ROR1: variants seen among roughly 807,000 people sequenced by gnomAD.
The protein encoded by ROR1 is ROR family WNT receptor 1, also known as inactive tyrosine-protein kinase transmembrane receptor ROR1.
In ROR1, 19 loss-of-function variants were observed where a neutral mutation model predicts 78.8. The observed-to-expected ratio is 0.24, with a 90% CI of 0.17 to 0.35. The LOEUF is 0.35. Ranked by LOEUF, ROR1 falls within the 10% of genes least tolerant of loss-of-function variation. ROR1 has a pLI of 1.00. For synonymous variants in ROR1, 386 were observed against 433.6 expected, an observed-to-expected ratio of 0.89 and a Z score of 1.36; for missense variants, 917 against 1,177.8, an observed-to-expected ratio of 0.78 and a Z score of 3.24.
chr1:63,819,113 T>C (rs540487671), intron 1 of ROR1, among the ~76,000 whole-genome samples: 5 of 152,116 alleles, frequency 3.3e-5, no homozygotes, highest in Non-Finnish European at 5.9e-5. Context: ...GGTGGGGAGA[T>C]GTTCTGCTCT....
chr1:64,005,808 C>A (rs1364794572), intron 1 of ROR1, among the ~76,000 whole-genome samples: 4 of 152,050 alleles, frequency 2.6e-5, no homozygotes, highest in Non-Finnish European at 5.9e-5. Context: ...TATTATTTTT[C>A]AGGGAAGTTA....
Position 64,070,224 on chromosome 1 carries a change from C to T in ROR1, c.482+19508C>T, listed in dbSNP as rs184753988. Among the ~76,000 whole-genome samples, 5 of 152,288 alleles carry T rather than the reference C, an allele frequency of 3.3e-5. No individual in the cohort carries two copies. In the East Asian group the frequency reaches 9.6e-4, roughly 29 times the overall value. On this transcript the variant is annotated intron_variant, in intron 4 of 8. Coordinates refer to ENST00000371079, the MANE Select transcript of ROR1 (RefSeq NM_005012.4). ...TCATCCATGTTGTGACCTGTGTCTT[C>T]CTTGTGTTTTGATGACCTTGAGAGA...
chr1:63,890,294 T>G (rs1645385137), intron 1 of ROR1, among the ~76,000 whole-genome samples: 1 of 151,920 alleles, frequency 6.6e-6, no homozygotes, highest in Non-Finnish European at 1.5e-5. Context: ...TAGTCCTGTT[T>G]ACCAACTCAT....
intron 2 of ROR1, among the ~76,000 whole-genome samples, chr1:64,028,684 T>C (rs1646635807): frequency 6.6e-6 from 1 of 152,206 alleles, no homozygotes; most frequent in Non-Finnish European, 1.5e-5. Context: ...GGTGTATATA[T>C]TTATGGAGTT....
chr1:64,163,664 A>G (rs1295949940), intron 8 of ROR1, among the ~76,000 whole-genome samples: 1 of 152,184 alleles, frequency 6.6e-6, no homozygotes, highest in Non-Finnish European at 1.5e-5. Context: ...TTTCACTTCC[A>G]GACAATTCAT....
At chr1:64,095,655 T>C (rs1647278383) in intron 4 of ROR1, among the ~76,000 whole-genome samples, 1 of 152,194 alleles carries the variant, frequency 6.6e-6, no homozygotes, top group Admixed American at 6.6e-5. Flanking sequence ...TTGTGCAGAA[T>C]TATGTATGTA....
chr1:63,798,897 A>G (rs1644778766), intron 1 of ROR1, among the ~76,000 whole-genome samples: 1 of 152,124 alleles, frequency 6.6e-6, no homozygotes, highest in South Asian at 2.1e-4. Flanking sequence ...GTTGTGTGAG[A>G]TGCATTATAA....
intron 1 of ROR1, among the ~76,000 whole-genome samples, chr1:63,940,174 T>G (rs900014877): frequency 2.6e-5 from 4 of 152,090 alleles, no homozygotes; most frequent in Non-Finnish European, 4.4e-5. Flanking sequence ...GACCGAGAAG[T>G]GTTAAGAGTG....
intron 1 of ROR1, among the ~76,000 whole-genome samples, chr1:63,883,831 G>A (rs539305831): frequency 6.6e-6 from 1 of 152,266 alleles, no homozygotes; most frequent in South Asian, 2.1e-4. Flanking sequence ...CTGCCCCTAG[G>A]AGAAATCTTC....
At chr1:63,860,503 G>A (rs1026642330) in intron 1 of ROR1, among the ~76,000 whole-genome samples, 2 of 151,256 alleles carry the variant, frequency 1.3e-5, no homozygotes, top group Non-Finnish European at 2.9e-5. Flanking sequence ...GGCAGATCAC[G>A]AGGTCAAGAG....
intron 1 of ROR1, among the ~76,000 whole-genome samples, chr1:63,777,835 G>C (rs1644626678): frequency 6.6e-6 from 1 of 152,242 alleles, no homozygotes; most frequent in African/African-American, 2.4e-5. Context: ...TATATGTACA[G>C]ATAGCATATG....
intron 4 of ROR1, among the ~76,000 whole-genome samples, chr1:64,081,303 T>G (rs911160845): frequency 1.3e-5 from 2 of 152,176 alleles, no homozygotes; most frequent in Non-Finnish European, 2.9e-5. Context: ...AAAAGTACTC[T>G]CAAATACGGA....
Position 63,789,228 on chromosome 1 carries a change from G to A in ROR1, c.91+14720G>A, listed in dbSNP as rs1025094714. 2.2e-5 allele frequency: 13 copies of A among 592,776 alleles called. No individual in the cohort carries two copies. In the African/African-American group the frequency reaches 2.2e-4, roughly 10 times the overall value. The allele number at this position is 592,776 out of a possible 1,614,324, so 36.7% of individuals were successfully genotyped here. A position where few individuals can be genotyped will look rare whatever the true frequency, so the allele number is the denominator to read the frequency against. ...ATTGGAGATTTCATTGGTTTCATTG[G>A]GGTCCAACCAGACCTTCTTCTTGCC... On this transcript the variant is annotated intron_variant, in intron 1 of 8. Coordinates refer to ENST00000371079, the MANE Select transcript of ROR1 (RefSeq NM_005012.4).
chr1:63,853,185 T>C (rs1487093319), intron 1 of ROR1, among the ~76,000 whole-genome samples: 1 of 152,196 alleles, frequency 6.6e-6, no homozygotes, highest in East Asian at 1.9e-4. Flanking sequence ...AGTCACCAAC[T>C]GTGGCAACAG....
intron 4 of ROR1, among the ~76,000 whole-genome samples, chr1:64,077,187 A>G (rs1647057412): frequency 6.6e-6 from 1 of 152,234 alleles, no homozygotes; most frequent in Admixed American, 6.5e-5. Context: ...GACAAAAAAC[A>G]TTTCAAGTAT....
chr1:63,990,564 C>T (rs1356369685), intron 1 of ROR1, among the ~76,000 whole-genome samples: 1 of 152,128 alleles, frequency 6.6e-6, no homozygotes, highest in African/African-American at 2.4e-5. Context: ...GAAGACTTTT[C>T]AGTTTTATTA....
At chr1:63,792,740 C>T (rs1453999495) in intron 1 of ROR1, among the ~76,000 whole-genome samples, 1 of 152,022 alleles carries the variant, frequency 6.6e-6, no homozygotes, top group Admixed American at 6.6e-5. Flanking sequence ...TTGCCTCTTG[C>T]AAAGAGAGAG....
At chr1:63,781,888 A>G (rs1457409649) in intron 1 of ROR1, among the ~76,000 whole-genome samples, 2 of 152,198 alleles carry the variant, frequency 1.3e-5, no homozygotes, top group East Asian at 1.9e-4. Flanking sequence ...GAAGACACCA[A>G]TACAGTTGCT....
At position 64,121,059 on chromosome 1, in the gene ROR1, C is replaced by CTTTTTTTTTT. The variant is rs200292093; in HGVS notation, c.483-16280_483-16271dup. Reference sequence around the variant, plus strand: ...CCACACTCCAGTCAGGGAGATACCCCTTTTTTTTTTTTTTTTTTTTTTTTT... The same window carrying CTTTTTTTTTT: ...CCACACTCCAGTCAGGGAGATACCCCTTTTTTTTTTTTTTTTTTTTTTTTTTTTTTTTTTT... On this transcript the variant is annotated intron_variant, in intron 4 of 8. Transcript: ENST00000371079. 3.5e-4 allele frequency among the ~76,000 whole-genome samples: 29 copies of CTTTTTTTTTT among 82,018 alleles called. 1 individual carries two copies. Among genetic ancestry groups the CTTTTTTTTTT allele is most frequent in the African/African-American group, 9.0e-4 (14 of 15,522 alleles). 53.8% of individuals were successfully genotyped at this position (82,018 alleles called of 152,430 possible). A position where few individuals can be genotyped will look rare whatever the true frequency, so the allele number is the denominator to read the frequency against.
Sources: gnomAD v4.1 joint callset for allele counts (sites outside exome capture counted in the v4.1 genomes callset) on GRCh38, gnomAD v4.1.1 for gene constraint, MANE v1.5 for transcripts, NCBI Gene and HGNC (gene_info 2026-07-23, HGNC 2026-07-21) for gene names.